The following UNC5D variants were observed in gnomAD, a reference collection of about 807,000 sequenced individuals.
The protein encoded by UNC5D is netrin receptor UNC5D.
In UNC5D, 39 loss-of-function variants were observed where a neutral mutation model predicts 105.4. The observed-to-expected ratio is 0.37, with a 90% CI of 0.29 to 0.48. UNC5D has a LOEUF of 0.48. UNC5D is among the 20% of genes least tolerant of loss of function. The pLI is 0.98. For missense variants in UNC5D, 991 were observed against 1,202.4 expected (o/e 0.82, Z 2.60); for synonymous variants, 452 against 450.4 (o/e 1.00, Z -0.04).
chr8:35,391,223 G>A (rs1025335803), intron 1 of UNC5D, among the ~76,000 whole-genome samples: 16 of 152,260 alleles, frequency 1.1e-4, no homozygotes, highest in East Asian at 1.9e-4. Flanking sequence ...TGTAAAGTGC[G>A]GAAGAAGCCA....
chr8:35,289,683 C>G (rs1806889076), intron 1 of UNC5D, among the ~76,000 whole-genome samples: 1 of 152,142 alleles, frequency 6.6e-6, no homozygotes, highest in Non-Finnish European at 1.5e-5. Flanking sequence ...ATAATGAACT[C>G]AAACAATTCA....
chr8:35,511,280 T>C (rs146783251), intron 1 of UNC5D, among the ~76,000 whole-genome samples: 23 of 152,240 alleles, frequency 1.5e-4, no homozygotes, highest in African/African-American at 5.3e-4. Context: ...AGGACCAGTA[T>C]ATAAAATCAT....
intron 1 of UNC5D, among the ~76,000 whole-genome samples, chr8:35,440,730 C>A (rs1167215421): frequency 9.9e-5 from 15 of 151,946 alleles, no homozygotes; most frequent in Admixed American, 9.2e-4. Context: ...ATGTGAGTGG[C>A]TGTTGCCAAT....
At chr8:35,323,378 C>A (rs1459991865) in intron 1 of UNC5D, among the ~76,000 whole-genome samples, 3 of 151,826 alleles carry the variant, frequency 2.0e-5, no homozygotes, top group Non-Finnish European at 2.9e-5. Context: ...TTGACATAAC[C>A]TTTACTCTGA....
intron 14 of UNC5D, among the ~76,000 whole-genome samples, chr8:35,761,290 G>C (rs554553992): frequency 4.9e-4 from 74 of 152,160 alleles, no homozygotes; most frequent in Non-Finnish European, 9.1e-4. Context: ...TCTGATGCAA[G>C]TGACTTGGTC....
chr8:35,439,528 G>A (rs1278563811), intron 1 of UNC5D, among the ~76,000 whole-genome samples: 1 of 152,028 alleles, frequency 6.6e-6, no homozygotes. Context: ...TAAGAACACC[G>A]TGTTTGTGAC....
chr8:35,527,022 G>A (rs1274132227), intron 1 of UNC5D, among the ~76,000 whole-genome samples: 1 of 152,110 alleles, frequency 6.6e-6, no homozygotes, highest in African/African-American at 2.4e-5. Flanking sequence ...CTATGTAATG[G>A]AATGTCACTT....
intron 1 of UNC5D, among the ~76,000 whole-genome samples, chr8:35,493,360 T>C (rs1646196856): frequency 6.6e-6 from 1 of 150,470 alleles, no homozygotes; most frequent in African/African-American, 2.4e-5. Flanking sequence ...GTCAAGCATC[T>C]GTTCCTAGTC....
chr8:35,727,395 G>A (rs905656967), intron 10 of UNC5D: 1 of 152,062 alleles, frequency 6.6e-6, no homozygotes, highest in Non-Finnish European at 1.5e-5. Flanking sequence ...ATTGAGTCAG[G>A]GACATTATAG....
chr8:35,755,854 A>G (rs1366175429), intron 13 of UNC5D, among the ~76,000 whole-genome samples: 1 of 152,188 alleles, frequency 6.6e-6, no homozygotes, highest in Non-Finnish European at 1.5e-5. Context: ...GACTGGAAAA[A>G]TCAAATTACT....
chr8:35,428,650 A>G (rs1409386381), intron 1 of UNC5D, among the ~76,000 whole-genome samples: 1 of 152,032 alleles, frequency 6.6e-6, no homozygotes, highest in Non-Finnish European at 1.5e-5. Context: ...TTTGTTAGAT[A>G]TCCATGTTTC....
At chr8:35,600,659 T>C (rs1434828313) in intron 4 of UNC5D, among the ~76,000 whole-genome samples, 1 of 152,226 alleles carries the variant, frequency 6.6e-6, no homozygotes, top group Non-Finnish European at 1.5e-5. Flanking sequence ...TGTTTTTTTC[T>C]TGTAAATTTC....
chr8:35,538,192 A>G (rs1485732926), intron 1 of UNC5D, among the ~76,000 whole-genome samples: 1 of 151,694 alleles, frequency 6.6e-6, no homozygotes, highest in Non-Finnish European at 1.5e-5. Flanking sequence ...GGCTATAAGC[A>G]AAAGAGGGGG....
At chr8:35,601,832 CT>C (rs1336822128) in intron 4 of UNC5D, among the ~76,000 whole-genome samples, 2 of 152,122 alleles carry the variant, frequency 1.3e-5, no homozygotes, top group Non-Finnish European at 2.9e-5. Context: ...ACTTCCAACA[CT>C]ATGTTGAATA....
intron 7 of UNC5D, among the ~76,000 whole-genome samples, chr8:35,700,521 G>C (rs575985521): frequency 5.3e-5 from 8 of 152,246 alleles, no homozygotes; most frequent in African/African-American, 1.4e-4. Context: ...TCGAGAGAGA[G>C]AAGCAATCCC....
intron 1 of UNC5D, among the ~76,000 whole-genome samples, chr8:35,321,186 T>C (rs1406698032): frequency 6.6e-6 from 1 of 152,174 alleles, no homozygotes; most frequent in African/African-American, 2.4e-5. Flanking sequence ...CAGTAGGTTT[T>C]ACACACACAC....
chr8:35,699,980 A>G (rs1248488387), intron 7 of UNC5D, among the ~76,000 whole-genome samples: 4 of 152,236 alleles, frequency 2.6e-5, no homozygotes, highest in Admixed American at 6.5e-5. Context: ...TGCATGTTCT[A>G]TGACCTAAAT....
intron 1 of UNC5D, among the ~76,000 whole-genome samples, chr8:35,478,821 T>A (rs964874309): frequency 1.3e-5 from 2 of 152,134 alleles, no homozygotes; most frequent in African/African-American, 2.4e-5. Flanking sequence ...TTTAATTAGA[T>A]CATTAGGGAT....
At chr8:35,447,193 G>A (rs1807852113) in intron 1 of UNC5D, among the ~76,000 whole-genome samples, 1 of 152,052 alleles carries the variant, frequency 6.6e-6, no homozygotes, top group Non-Finnish European at 1.5e-5. Context: ...TAGCAAGGAA[G>A]GAGAAAACAT....
Sources: allele counts gnomAD v4.1 joint callset (sites outside exome capture counted in the v4.1 genomes callset), GRCh38; gene constraint gnomAD v4.1.1; transcripts MANE v1.5; gene names NCBI Gene and HGNC (gene_info 2026-07-23, HGNC 2026-07-21).